Variants in PKN3 observed in about 807,000 individuals in gnomAD.
PKN3 encodes the protein protein kinase N3.
A neutral mutation model predicts 113.1 loss-of-function variants in PKN3; 91 were observed. The ratio of observed to expected loss-of-function variants is 0.80; its 90% CI spans 0.68 to 0.96. The LOEUF (loss-of-function observed/expected upper bound fraction) is 0.96, where lower values mean the gene tolerates loss of function less well. PKN3 is among the 40% of genes least tolerant of loss of function. The pLI, the probability that PKN3 is intolerant of heterozygous loss-of-function variation, is 0.00. For synonymous variants in PKN3, 467 were observed against 499.0 expected, an observed-to-expected ratio of 0.94 and a Z score of 0.85; for missense variants, 1,052 against 1,202.2, an observed-to-expected ratio of 0.88 and a Z score of 1.85.
chr9:128,709,091 C>T (rs989243442), intron 6 of PKN3, among the ~76,000 whole-genome samples: 2 of 151,436 alleles, frequency 1.3e-5, no homozygotes, highest in African/African-American at 4.9e-5. Context: ...CGAGACCATC[C>T]TGGCTAACAC....
At chr9:128,707,093 G>A in intron 5 of PKN3, 70 bp downstream of exon 5, 1 of 1,603,820 alleles carries the variant, frequency 6.2e-7, no homozygotes, top group East Asian at 2.2e-5. Context: ...GGGGTGTGAA[G>A]GGAGGGTGGC....
chr9:128,718,322 C>A lies in PKN3; in HGVS notation c.1986-3C>A, dbSNP rs1862405472. On this transcript the variant is annotated splice_region_variant and splice_polypyrimidine_tract_variant and intron_variant, in intron 16 of 21. Coordinates refer to ENST00000291906, the MANE Select transcript of PKN3 (RefSeq NM_013355.5). ...CTGAGTTCTCCCATAACCACCCCTG[C>A]AGCTTCTACGTGGCTTGTGTTGTCC... 6.2e-7 allele frequency: 1 copy of A among 1,613,492 alleles called. No homozygotes were observed.
chr9:128,706,578 C>T (rs1862024673), intron 3 of PKN3, 135 bp from the exon 4 acceptor site: 3 of 665,388 alleles, frequency 4.5e-6, no homozygotes, highest in South Asian at 2.2e-5. Context: ...ACAAGGGAGG[C>T]TTGACTTTAG....
intron 6 of PKN3, among the ~76,000 whole-genome samples, chr9:128,707,929 G>A (rs550167531): frequency 6.6e-6 from 1 of 151,270 alleles, no homozygotes; most frequent in South Asian, 2.1e-4. Context: ...AAAATTAGCC[G>A]GGCGTGGTGG....
At chr9:128,713,434 T>A in intron 8 of PKN3, 47 bp downstream of exon 8, 1 of 1,611,942 alleles carries the variant, frequency 6.2e-7, no homozygotes, top group Non-Finnish European at 8.5e-7. Context: ...GGCTGCGGGG[T>A]GGAAGGCTGC....
rs1862263570 is a variant in PKN3 at position 128,714,089 on chromosome 9, A to T, written c.1280A>T (p.Gln427Leu). 1 of 1,613,980 alleles carries T rather than the reference A, an allele frequency of 6.2e-7. No individual in the cohort carries two copies. The highest frequency in any genetic ancestry group is 1.1e-5 in the South Asian group (1 of 91,084). ...DPVIERRPRL[Q>L]RQERIFSKRR... ...GTCATTGAGAGGCGGCCCCGGCTGC[A>T]GAGGCAGGAACGCATCTTCTCTAAA... Residue 427 changes from glutamine to leucine, a missense_variant, in exon 10 of 22, where the codon CAG (glutamine) becomes CTG (leucine). By Grantham distance (113) the Gln-to-Leu change is moderately radical. Coordinates refer to ENST00000291906, the MANE Select transcript of PKN3 (RefSeq NM_013355.5).
At position 128,704,181 on chromosome 9, in the gene PKN3, C is replaced by T. The variant is rs1351542585; in HGVS notation, c.25-1122C>T. 2.1e-5 allele frequency: 21 copies of T among 980,100 alleles called. No homozygotes were observed. In the East Asian group the frequency reaches 8.0e-4, roughly 37 times the overall value. The allele number at this position is 980,100 out of a possible 1,614,324, so 60.7% of individuals were successfully genotyped here. On this transcript the variant is annotated intron_variant, in intron 1 of 21. Coordinates refer to ENST00000291906, the MANE Select transcript of PKN3 (RefSeq NM_013355.5). ...GTGTTGCGGGGCATCATGGGTTACC[C>T]GGCCTGAGGTCACCTTTGGCACCGG...
chr9:128,720,646 T>C lies in PKN3; in HGVS notation c.*40T>C. On this transcript the variant is annotated 3_prime_UTR_variant, in exon 22 of 22. Transcript: ENST00000291906. This position sits in a 1 kb window ranked among gnomAD's most constrained non-coding sequence, Gnocchi z 5.5. ...ACCTCTGTCCCCTTCCCCCACAGAC[T>C]GTTAGAGCCTCTGCTCGTTCACCCG... is the stretch of plus-strand genomic sequence containing the variant. 2 of 1,548,804 alleles carry C rather than the reference T, an allele frequency of 1.3e-6. No individual in the cohort carries two copies. The highest frequency in any genetic ancestry group is 1.1e-5 in the South Asian group (1 of 88,230).
At chr9:128,718,254 C>T in intron 16 of PKN3, 71 bp from the exon 17 acceptor site, 6 of 1,232,088 alleles carry the variant, frequency 4.9e-6, no homozygotes, top group Non-Finnish European at 7.2e-6. Flanking sequence ...CTATGGCCAT[C>T]CTGGTGCCTC....
rs540550803 is a variant in PKN3 at position 128,705,763 on chromosome 9, G to C, written c.295G>C (p.Ala99Pro). The C allele has an allele frequency of 6.2e-7, 1 of 1,607,938 alleles. No individual in the cohort carries two copies. The change falls in exon 3 of 22, where the codon GCA becomes CCA. Residue 99 changes from alanine to proline, a missense_variant. This residue lies in a region of PKN3 where 719 missense variants were observed against 759.4 expected (regional missense o/e 0.95). Transcript: ENST00000291906. ...TGTGGCCTCAGGACCCCGGCCGTGG[G>C]CAGAGCAGCTCAGGGCTCGGCACCT... ...EPVASGPRPW[A>P]EQLRARHLEA...
rs1053755041 is a variant in PKN3 at position 128,714,177 on chromosome 9, AG to A, written c.1313-19del. 6 of 1,613,804 alleles carry A rather than the reference AG, an allele frequency of 3.7e-6. No homozygotes were observed. The highest frequency in any genetic ancestry group is 1.7e-5 in the Admixed American group (1 of 59,982). ...GAGCAGGGCTGGGGTCCCGGGACTA[AG>A]CTCCCCCTTTTCTCCCAGGCCAGGA... On this transcript the variant is annotated intron_variant, in intron 10 of 21. Coordinates refer to ENST00000291906, the MANE Select transcript of PKN3 (RefSeq NM_013355.5).
rs1194517165 is a variant in PKN3, at chr9:128,717,848, T to G, written c.1986-477T>G. On this transcript the variant is annotated intron_variant, in intron 16 of 21. Transcript: ENST00000291906. ...TCCTGGCCAACATGGTGAAACCCTA[T>G]CTCTATAAAAACTAAAAAAAAAAAA... 3.2e-5 allele frequency among the ~76,000 whole-genome samples: 4 copies of G among 124,816 alleles called. No homozygotes were observed. In the South Asian group the frequency reaches 1.1e-3, roughly 34 times the overall value. The allele number at this position is 124,816 out of a possible 152,430, so 81.9% of individuals were successfully genotyped here. A position where few individuals can be genotyped will look rare whatever the true frequency, so the allele number is the denominator to read the frequency against.
At position 128,719,792 on chromosome 9, in the gene PKN3, G is replaced by C; in HGVS notation, c.2232G>C (p.Gly744=). ...ACACACGGGCTGTGGACTGGTGGGGGCTGGGTGTGCTGCTCTACGAGATGC... is the reference window on the plus strand; with the variant it reads ...ACACACGGGCTGTGGACTGGTGGGGCCTGGGTGTGCTGCTCTACGAGATGC... ...EAYTRAVDWW[G]LGVLLYEMLV... Residue 744 remains glycine, a synonymous_variant, in exon 19 of 22, where the codon GGG becomes GGC. Transcript: ENST00000291906. 1 of 1,607,754 alleles carries C rather than the reference G, an allele frequency of 6.2e-7. No homozygotes were observed. The highest frequency in any genetic ancestry group is 8.5e-7 in the Non-Finnish European group (1 of 1,176,316).
Position 128,707,307 on chromosome 9 carries a change from C to A in PKN3, c.737C>A (p.Ala246Asp). The change falls in exon 6 of 22, where the codon GCC (alanine) becomes GAC (aspartate). Residue 246 changes from alanine (A) to aspartate (D), a missense_variant. By Grantham distance (126) the Ala-to-Asp change is moderately radical. Coordinates refer to ENST00000291906, the MANE Select transcript of PKN3 (RefSeq NM_013355.5). ...CAGCTGCTGGAGCAACTGCCTCCTG[C>A]CCACCCTTTGCGCAGCAGAGTGACC... ...LEQLLEQLPP[A>D]HPLRSRVTRE... is the part of the protein sequence containing the mutation. The A allele has an allele frequency of 6.2e-7, 1 of 1,613,954 alleles. No individual in the cohort carries two copies. Among genetic ancestry groups the A allele is most frequent in the Non-Finnish European group, 8.5e-7 (1 of 1,179,940 alleles).
chr9:128,705,884 G>C lies in PKN3; in HGVS notation c.411+5G>C. On this transcript the variant is annotated splice_donor_5th_base_variant and intron_variant, in intron 3 of 21. Coordinates refer to ENST00000291906, the MANE Select transcript of PKN3 (RefSeq NM_013355.5). ...TGCGCCAGTGGCACCCCCAAGGTAA[G>C]GCCCCACAGTCTGATGGCAGGAGCA... is the stretch of plus-strand genomic sequence containing the variant. 6.3e-7 allele frequency: 1 copy of C among 1,583,092 alleles called. No homozygotes were observed. The highest frequency in any genetic ancestry group is 8.6e-7 in the Non-Finnish European group (1 of 1,161,102).
Position 128,706,957 on chromosome 9 carries a change from G to C in PKN3, c.585G>C (p.Glu195Asp). The C allele has an allele frequency of 6.2e-7, 1 of 1,614,198 alleles. No individual in the cohort carries two copies. Among genetic ancestry groups the C allele is most frequent in the South Asian group, 1.1e-5 (1 of 91,080 alleles). Reference sequence around the variant, plus strand: ...TGCACGTTGAGGCAGCTGTGGCTGAGGGCGCCAAGAACGTGGTGAAACTGC... The same window carrying C: ...TGCACGTTGAGGCAGCTGTGGCTGACGGCGCCAAGAACGTGGTGAAACTGC... ...HRLHVEAAVAEGAKNVVKLLS... is the reference protein window; with the variant it reads ...HRLHVEAAVADGAKNVVKLLS... Residue 195 changes from glutamate to aspartate, a missense_variant, in exon 5 of 22, where the codon GAG becomes GAC. This residue lies in a region of PKN3 where 719 missense variants were observed against 759.4 expected (regional missense o/e 0.95). Transcript: ENST00000291906.
In PKN3 at chr9:128,719,895, C is replaced by A. The variant is rs1015988514; in HGVS notation, c.2269-15C>A. The A allele has an allele frequency of 3.1e-6, 5 of 1,612,090 alleles. No homozygotes were observed. Among genetic ancestry groups the A allele is most frequent in the Admixed American group, 3.3e-5 (2 of 59,992 alleles). On this transcript the variant is annotated splice_polypyrimidine_tract_variant and intron_variant, in intron 19 of 21. Transcript: ENST00000291906. ...GGGGTGGCCCGTGCATCCTGCTGAG[C>A]CCCCATCTCCACAGTGCCCGTTCCC...
intron 16 of PKN3, 89 bp from the exon 17 acceptor site, chr9:128,718,236 T>TCC (rs1554781301): frequency 1.1e-5 from 11 of 957,284 alleles, no homozygotes; most frequent in Non-Finnish European, 1.7e-6. Flanking sequence ...ACATCCGGGA[T>TCC]CCCCCCGCTA....
In PKN3 at chr9:128,716,858, G is replaced by A. The variant is rs1862353864; in HGVS notation, c.1920G>A (p.Glu640=). 2.5e-6 allele frequency: 4 copies of A among 1,614,026 alleles called. No homozygotes were observed. In the Middle Eastern group the frequency reaches 4.9e-4, roughly 200 times the overall value. ...CCAGCCATGCCTGCTTTGTGACTGA[G>A]TTTGTGCCTGGTGGTGACCTCATGA... ...QTSSHACFVT[E]FVPGGDLMMQ... Residue 640 remains glutamate (E), a synonymous_variant, in exon 16 of 22, where the codon GAG becomes GAA. Transcript: ENST00000291906.
Sources: allele counts gnomAD v4.1 joint callset (sites outside exome capture counted in the v4.1 genomes callset), GRCh38; gene constraint gnomAD v4.1.1; regional missense constraint gnomAD v4.1.1; non-coding constraint Gnocchi (gnomAD v3.1); transcripts MANE v1.5; gene names NCBI Gene and HGNC (gene_info 2026-07-23, HGNC 2026-07-21).